GALNT2: variants seen among roughly 807,000 people sequenced by gnomAD.
GALNT2 encodes polypeptide N-acetylgalactosaminyltransferase 2.
GALNT2 carries 31 observed loss-of-function variants against 81.4 expected under a neutral mutation model. The ratio of observed to expected loss-of-function variants is 0.38; its 90% CI spans 0.29 to 0.51. The LOEUF (loss-of-function observed/expected upper bound fraction) is 0.51. Ranked by LOEUF, GALNT2 falls within the 20% of genes least tolerant of loss-of-function variation. The pLI, the probability that GALNT2 is intolerant of heterozygous loss-of-function variation, is 0.87. For synonymous variants in GALNT2, 303 were observed against 287.4 expected (o/e 1.05, Z -0.55); for missense variants, 629 against 765.7 (o/e 0.82, Z 2.11).
chr1:230,275,164 A>C lies in GALNT2; in HGVS notation c.1560+600A>C, dbSNP rs1341907333. Among the ~76,000 whole-genome samples the C allele has an allele frequency of 6.6e-6, 1 of 151,658 alleles. No homozygotes were observed. Among genetic ancestry groups the C allele is most frequent in the African/African-American group, 2.4e-5 (1 of 41,226 alleles). Reference sequence around the variant, plus strand: ...ATACATATATACACACCACATATACATATACCTGCCACATATATACATATA... The same window carrying C: ...ATACATATATACACACCACATATACCTATACCTGCCACATATATACATATA... On this transcript the variant is annotated intron_variant, in intron 15 of 15. Coordinates refer to ENST00000366672, the MANE Select transcript of GALNT2 (RefSeq NM_004481.5). This position sits in a 1 kb window ranked among gnomAD's most constrained non-coding sequence, Gnocchi z 5.5.
chr1:230,067,435 C>CGCT, intron 1 of GALNT2, 29 bp downstream of exon 1: 3 of 969,368 alleles, frequency 3.1e-6, no homozygotes, highest in Non-Finnish European at 2.6e-6. Context: ...CGCGGCCGGG[C>CGCT]CCCTGCGCCC....
chr1:230,196,781 C>T (rs1043233292), intron 2 of GALNT2, among the ~76,000 whole-genome samples: 1 of 152,096 alleles, frequency 6.6e-6, no homozygotes, highest in African/African-American at 2.4e-5. Flanking sequence ...TTGTGGCCCT[C>T]AATAGCCCTC....
intron 1 of GALNT2, among the ~76,000 whole-genome samples, chr1:230,106,409 C>T (rs1009275211): frequency 7.2e-5 from 11 of 152,180 alleles, no homozygotes; most frequent in South Asian, 2.1e-4. Context: ...CTCTGAGTTC[C>T]GGCAGTGTGC....
chr1:230,069,232 A>G (rs529603875), intron 1 of GALNT2, among the ~76,000 whole-genome samples: 1 of 151,116 alleles, frequency 6.6e-6, no homozygotes, highest in Non-Finnish European at 1.5e-5. Flanking sequence ...AAGTCTTCAG[A>G]CACTCCTGAA....
intron 1 of GALNT2, among the ~76,000 whole-genome samples, chr1:230,133,222 C>T (rs1661425786): frequency 6.6e-6 from 1 of 152,154 alleles, no homozygotes; most frequent in Non-Finnish European, 1.5e-5. Flanking sequence ...ACATTCTTTA[C>T]TATGTCCTTG....
At chr1:230,094,648 C>G (rs1660192151) in intron 1 of GALNT2, among the ~76,000 whole-genome samples, 1 of 152,188 alleles carries the variant, frequency 6.6e-6, no homozygotes, top group African/African-American at 2.4e-5. Flanking sequence ...CAAACAAAAA[C>G]AAAAACACCA....
chr1:230,128,257 A>ATATGTGTGTGTGTG (rs1553258996), intron 1 of GALNT2, among the ~76,000 whole-genome samples: 2 of 149,760 alleles, frequency 1.3e-5, no homozygotes, highest in African/African-American at 4.9e-5. Flanking sequence ...GCGCTGGAGA[A>ATATGTGTGTGTGTG]TGTGTGTGTG....
chr1:230,135,244 G>A (rs1397159219), intron 1 of GALNT2, among the ~76,000 whole-genome samples: 1 of 152,032 alleles, frequency 6.6e-6, no homozygotes, highest in African/African-American at 2.4e-5. Context: ...ACTCGGGGGT[G>A]GGGATGCGAG....
chr1:230,125,863 C>A (rs1661160030), intron 1 of GALNT2, among the ~76,000 whole-genome samples: 1 of 152,230 alleles, frequency 6.6e-6, no homozygotes, highest in African/African-American at 2.4e-5. Flanking sequence ...TGTGCCACTC[C>A]TAGAAAGGAT....
At chr1:230,173,420 GAAGCACCA>G (rs1306304760) in intron 1 of GALNT2, among the ~76,000 whole-genome samples, 1 of 152,164 alleles carries the variant, frequency 6.6e-6, no homozygotes, top group Non-Finnish European at 1.5e-5. Flanking sequence ...ACACTTTCCT[GAAGCACCA>G]TCTGTCTGTG....
At chr1:230,220,335 T>G (rs1205615074) in intron 3 of GALNT2, among the ~76,000 whole-genome samples, 1 of 151,586 alleles carries the variant, frequency 6.6e-6, no homozygotes, top group Non-Finnish European at 1.5e-5. Flanking sequence ...CCTCGCTAGG[T>G]AAATAAAGAA....
chr1:230,226,396 A>G (rs879379704), intron 3 of GALNT2, among the ~76,000 whole-genome samples: 4 of 152,210 alleles, frequency 2.6e-5, no homozygotes, highest in Admixed American at 6.5e-5. Flanking sequence ...ATATCTGTAT[A>G]TGAATGGAGA....
intron 2 of GALNT2, among the ~76,000 whole-genome samples, chr1:230,179,931 T>C (rs1250763336): frequency 6.6e-6 from 1 of 152,214 alleles, no homozygotes; most frequent in Non-Finnish European, 1.5e-5. Flanking sequence ...TATTTACTTA[T>C]TTATTTGAGA....
chr1:230,135,921 G>A (rs1661524043), intron 1 of GALNT2, among the ~76,000 whole-genome samples: 1 of 151,694 alleles, frequency 6.6e-6, no homozygotes, highest in Admixed American at 6.6e-5. Context: ...CTGAACTCCT[G>A]GTCTCAGGCG....
intron 1 of GALNT2, among the ~76,000 whole-genome samples, 169 bp from the exon 2 acceptor site, chr1:230,178,049 C>G (rs1663040640): frequency 6.6e-6 from 1 of 152,136 alleles, no homozygotes; most frequent in South Asian, 2.1e-4. Context: ...ATCTTGACTC[C>G]CTAACAATTT....
intron 1 of GALNT2, among the ~76,000 whole-genome samples, chr1:230,093,411 T>G (rs202178405): frequency 1.5e-4 from 2 of 13,346 alleles, no homozygotes; most frequent in African/African-American, 4.9e-4. Flanking sequence ...TAGATCACAG[T>G]TGTGTAAAGG....
intron 1 of GALNT2, among the ~76,000 whole-genome samples, chr1:230,060,112 C>G (rs1659009412): frequency 1.3e-5 from 2 of 152,198 alleles, no homozygotes; most frequent in Admixed American, 6.5e-5. Context: ...GTCCATTAAT[C>G]TGGGACATTT....
chr1:230,116,311 C>A (rs1295056974), intron 1 of GALNT2, among the ~76,000 whole-genome samples: 1 of 152,062 alleles, frequency 6.6e-6, no homozygotes. Flanking sequence ...CTCACTGCAA[C>A]CTCTGCATCC....
chr1:230,273,001 G>T (rs1460263476), intron 14 of GALNT2, among the ~76,000 whole-genome samples: 1 of 152,084 alleles, frequency 6.6e-6, no homozygotes, highest in Non-Finnish European at 1.5e-5. Context: ...TGAACTCCTG[G>T]CATTAAGCAG....
Sources: gnomAD v4.1 joint callset for allele counts (sites outside exome capture counted in the v4.1 genomes callset) on GRCh38, gnomAD v4.1.1 for gene constraint, Gnocchi (gnomAD v3.1) non-coding constraint, MANE v1.5 for transcripts, NCBI Gene and HGNC (gene_info 2026-07-23, HGNC 2026-07-21) for gene names.